Variants in SOX5 observed in about 807,000 individuals in gnomAD.
SOX5 encodes SRY-box transcription factor 5.
In SOX5, 9 loss-of-function variants were observed where a neutral mutation model predicts 92.0. The observed-to-expected ratio is 0.10, with a 90% CI of 0.06 to 0.17. The LOEUF is 0.17. SOX5 is among the 10% of genes least tolerant of loss of function. The pLI is 1.00. For missense variants in SOX5, 642 were observed against 944.5 expected, an observed-to-expected ratio of 0.68 and a Z score of 4.20; for synonymous variants, 344 against 336.3, an observed-to-expected ratio of 1.02 and a Z score of -0.25.
intron 4 of SOX5, among the ~76,000 whole-genome samples, chr12:24,157,181 A>C (rs532204775): frequency 6.6e-6 from 1 of 152,190 alleles, no homozygotes; most frequent in South Asian, 2.1e-4. Flanking sequence ...GTATCGTGGC[A>C]TTCCTATACA....
At chr12:24,265,249 T>C (rs2140283547) in intron 3 of SOX5, among the ~76,000 whole-genome samples, 1 of 152,326 alleles carries the variant, frequency 6.6e-6, no homozygotes, top group Non-Finnish European at 1.5e-5. Context: ...GAAAATGCTG[T>C]CATTAGAAAT....
intron 1 of SOX5, among the ~76,000 whole-genome samples, chr12:24,377,845 A>T (rs1327146276): frequency 2.0e-5 from 3 of 152,214 alleles, no homozygotes; most frequent in African/African-American, 7.2e-5. Flanking sequence ...GCCCCTAATG[A>T]GTGCTGGTCT....
chr12:23,793,387 A>G (rs1305117880), intron 3 of SOX5, among the ~76,000 whole-genome samples: 1 of 152,196 alleles, frequency 6.6e-6, no homozygotes, highest in African/African-American at 2.4e-5. Context: ...TATAAAGAAA[A>G]TAACCCTTGA....
chr12:24,229,607 T>A (rs375346066), intron 3 of SOX5, among the ~76,000 whole-genome samples: 1 of 152,288 alleles, frequency 6.6e-6, no homozygotes, highest in African/African-American at 2.4e-5. Flanking sequence ...TTGAGCCATG[T>A]CATTTATTAT....
At chr12:24,244,204 G>A (rs1938130519) in intron 3 of SOX5, among the ~76,000 whole-genome samples, 1 of 152,200 alleles carries the variant, frequency 6.6e-6, no homozygotes, top group African/African-American at 2.4e-5. Context: ...GGTTTTCCAT[G>A]TAATTTAGAG....
intron 4 of SOX5, among the ~76,000 whole-genome samples, chr12:24,134,054 A>G (rs543682001): frequency 4.6e-5 from 7 of 152,278 alleles, no homozygotes; most frequent in African/African-American, 1.7e-4. Context: ...TGAATTCTAA[A>G]ATGATGAGGT....
chr12:24,382,678 A>C (rs1957958140), intron 1 of SOX5, among the ~76,000 whole-genome samples: 1 of 152,170 alleles, frequency 6.6e-6, no homozygotes, highest in African/African-American at 2.4e-5. Context: ...CTATAGCCAC[A>C]ATGAGAAATG....
At chr12:23,830,320 T>C (rs2096295228) in intron 3 of SOX5, among the ~76,000 whole-genome samples, 1 of 152,086 alleles carries the variant, frequency 6.6e-6, no homozygotes, top group South Asian at 2.1e-4. Flanking sequence ...TTGAAAAGGG[T>C]GCCTGGAGGT....
intron 8 of SOX5, among the ~76,000 whole-genome samples, chr12:23,621,572 T>C (rs2077184824): frequency 6.6e-6 from 1 of 152,118 alleles, no homozygotes; most frequent in Non-Finnish European, 1.5e-5. Context: ...TTTATTCCCA[T>C]GTGTTGGTAT....
At position 24,223,198 on chromosome 12, in the gene SOX5, T is replaced by A. The variant is rs377433941; in HGVS notation, c.-76-9781A>T. 10 of 152,322 alleles carry A rather than the reference T, an allele frequency of 6.6e-5. No homozygotes were observed. In the East Asian group the frequency reaches 1.7e-3, roughly 26 times the overall value. 9.4% of individuals were successfully genotyped at this position (152,322 alleles called of 1,614,324 possible). On this transcript the variant is annotated intron_variant, in intron 3 of 4. Transcript: ENST00000446891. The stretch of plus-strand genomic sequence containing the variant: ...ATACAAACACACAATTTAGAGTTGC[T>A]AGGAGGAAGTGGCTGATTGCATCAC...
rs112244014 is a variant in SOX5 at position 24,439,031 on chromosome 12, C to A, written c.-250-70392G>T. ...AGGAAGAGTCAATTGACATGGCAAA[C>A]TTTATTGTTGTCTTAGGTTAAGAAA... On this transcript the variant is annotated intron_variant, in intron 1 of 4. Transcript: ENST00000446891. Among the ~76,000 whole-genome samples, 265 of 152,284 alleles carry A rather than the reference C, an allele frequency of 1.7e-3. 1 individual carries two copies. Among genetic ancestry groups the A allele is most frequent in the Non-Finnish European group, 3.5e-3 (239 of 68,022 alleles).
intron 4 of SOX5, among the ~76,000 whole-genome samples, chr12:24,018,945 G>A (rs956401014): frequency 6.6e-6 from 1 of 151,962 alleles, no homozygotes; most frequent in Non-Finnish European, 1.5e-5. Flanking sequence ...TTAAAAATTA[G>A]CAAACACAAT....
At chr12:23,577,192 T>TATATATATATATATA (rs1555172432) in intron 9 of SOX5, among the ~76,000 whole-genome samples, 9 of 58,278 alleles carry the variant, frequency 1.5e-4, no homozygotes, top group African/African-American at 5.3e-4. Flanking sequence ...TATATATATA[T>TATATATATATATATA]TTTTTTTTTT....
At chr12:24,338,803 C>T (rs982336416) in intron 2 of SOX5, among the ~76,000 whole-genome samples, 11 of 152,234 alleles carry the variant, frequency 7.2e-5, no homozygotes, top group South Asian at 2.1e-4. Flanking sequence ...CCTACCACCA[C>T]GTAAGATGTG....
intron 1 of SOX5, among the ~76,000 whole-genome samples, chr12:23,916,436 G>T (rs994305754): frequency 2.6e-5 from 4 of 152,142 alleles, no homozygotes; most frequent in African/African-American, 9.7e-5. Context: ...AAAATGGAGT[G>T]ATGTCGAGAT....
intron 4 of SOX5, among the ~76,000 whole-genome samples, chr12:24,126,286 C>G (rs370537832): frequency 2.0e-5 from 3 of 152,116 alleles, no homozygotes; most frequent in African/African-American, 7.2e-5. Flanking sequence ...CCACTTAATC[C>G]AAATATCTAC....
intron 1 of SOX5, among the ~76,000 whole-genome samples, chr12:24,442,567 G>A (rs562526508): frequency 1.3e-5 from 2 of 152,312 alleles, no homozygotes; most frequent in Admixed American, 6.5e-5. Flanking sequence ...AAGTTTAAAA[G>A]TTTTAAGAGG....
intron 1 of SOX5, among the ~76,000 whole-genome samples, chr12:23,926,531 T>C (rs548519327): frequency 6.6e-6 from 1 of 151,396 alleles, no homozygotes; most frequent in African/African-American, 2.4e-5. Context: ...CTATGCTTTA[T>C]CTGAACTTAT....
intron 4 of SOX5, 67 bp from the exon 5 acceptor site, chr12:23,741,106 G>T: frequency 1.5e-6 from 2 of 1,302,666 alleles, no homozygotes; most frequent in South Asian, 3.1e-5. Flanking sequence ...AATGAAAATG[G>T]CTCTGTTGTA....
Sources: gnomAD v4.1 joint callset for allele counts (sites outside exome capture counted in the v4.1 genomes callset) on GRCh38, gnomAD v4.1.1 for gene constraint, MANE v1.5 for transcripts, NCBI Gene and HGNC (gene_info 2026-07-23, HGNC 2026-07-21) for gene names.